SLC22A24: variants seen among roughly 807,000 people sequenced by gnomAD.
The protein encoded by SLC22A24 is steroid transmembrane transporter SLC22A24.
In SLC22A24, 53 loss-of-function variants were observed where a neutral mutation model predicts 49.8. That is an observed-to-expected ratio of 1.06 (90% CI 0.85 to 1.34). The LOEUF is 1.34. Among genes scored for constraint, SLC22A24 ranks in the 40% most tolerant of loss-of-function variants. SLC22A24 has a pLI of 0.00. For synonymous variants in SLC22A24, 302 were observed against 256.4 expected, an observed-to-expected ratio of 1.18 and a Z score of -1.70; for missense variants, 786 against 675.9, an observed-to-expected ratio of 1.16 and a Z score of -1.81.
At chr11:63,129,572 G>A (rs189684203) in intron 2 of SLC22A24, among the ~76,000 whole-genome samples, 1 of 152,038 alleles carries the variant, frequency 6.6e-6, no homozygotes, top group Non-Finnish European at 1.5e-5. Flanking sequence ...TTGGACAGTA[G>A]GACCATTTTC....
intron 4 of SLC22A24, among the ~76,000 whole-genome samples, chr11:63,112,970 G>C (rs573385155): frequency 2.2e-5 from 3 of 137,608 alleles, no homozygotes; most frequent in Non-Finnish European, 4.5e-5. Flanking sequence ...AGCCAAGTTT[G>C]TGCCACTGGA....
intron 9 of SLC22A24, 133 bp from the exon 10 acceptor site, chr11:63,080,133 C>T (rs945602798): frequency 2.3e-5 from 14 of 600,288 alleles, no homozygotes; most frequent in Non-Finnish European, 3.8e-5. Context: ...CCAAGATTCT[C>T]TAGATATTGA....
chr11:63,104,008 A>G (rs931678471), intron 5 of SLC22A24, 167 bp downstream of exon 5: 1 of 593,022 alleles, frequency 1.7e-6, no homozygotes, highest in Non-Finnish European at 2.7e-6. Context: ...TTCAATATCT[A>G]TATCCAAATC....
intron 9 of SLC22A24, among the ~76,000 whole-genome samples, chr11:63,080,232 T>A (rs1010997849): frequency 3.3e-5 from 5 of 152,190 alleles, no homozygotes; most frequent in African/African-American, 9.6e-5. Flanking sequence ...TCTCTTTGGA[T>A]CTCAGACCAA....
chr11:63,123,238 G>A (rs1264625775), intron 2 of SLC22A24, among the ~76,000 whole-genome samples: 5 of 152,024 alleles, frequency 3.3e-5, no homozygotes, highest in African/African-American at 1.2e-4. Flanking sequence ...ATGAATACAG[G>A]GTAACTTTGA....
Position 63,125,608 on chromosome 11 carries a change from C to T in SLC22A24, c.507-6273G>A, listed in dbSNP as rs372835760. ...GTATTTGCTATTGTGAATAGTGCCGCGGTAAACATACGTGTGGATGTGTCT... is the reference window on the plus strand; with the variant it reads ...GTATTTGCTATTGTGAATAGTGCCGTGGTAAACATACGTGTGGATGTGTCT... On this transcript the variant is annotated intron_variant, in intron 2 of 9. Transcript: ENST00000612278. 6.0e-4 allele frequency among the ~76,000 whole-genome samples: 91 copies of T among 152,244 alleles called. 1 individual carries two copies. The South Asian group carries it at 7.3e-3, about 12-fold the overall frequency.
chr11:63,132,801 C>G (rs1045781425), intron 2 of SLC22A24, among the ~76,000 whole-genome samples: 1 of 152,104 alleles, frequency 6.6e-6, no homozygotes, highest in Non-Finnish European at 1.5e-5. Flanking sequence ...TCTCAGAGCT[C>G]GAATGCCATG....
intron 5 of SLC22A24, among the ~76,000 whole-genome samples, chr11:63,097,215 T>A (rs1390066642): frequency 9.2e-6 from 1 of 108,826 alleles, no homozygotes; most frequent in Non-Finnish European, 2.0e-5. Flanking sequence ...TACAAGGAAC[T>A]TAAACAAATT....
chr11:63,081,848 G>C (rs1315463755), intron 7 of SLC22A24, among the ~76,000 whole-genome samples, 182 bp from the exon 8 acceptor site: 4 of 152,186 alleles, frequency 2.6e-5, no homozygotes, highest in African/African-American at 9.7e-5. Context: ...AAATGGTAGG[G>C]CTTAAACATT....
At chr11:63,119,433 T>G in intron 2 of SLC22A24, 98 bp from the exon 3 acceptor site, 1 of 1,189,310 alleles carries the variant, frequency 8.4e-7, no homozygotes. Flanking sequence ...GATAAATGTT[T>G]AACAAGTGGA....
In SLC22A24 at chr11:63,081,106, A is replaced by T; in HGVS notation, c.1412T>A (p.Ile471Asn). Reference protein sequence around the residue: ...PTILRSTVAGINAVSGRTGAA... With the variant: ...PTILRSTVAGNNAVSGRTGAA... ...CCCAGTCCTACCGGACACTGCATTG[A>T]TTCCTGCAACTGTTGACCTTAGAGT... The change falls in exon 9 of 10, where the codon ATC (isoleucine) becomes AAC (asparagine). Residue 471 changes from isoleucine to asparagine, a missense_variant. Coordinates refer to ENST00000612278, the MANE Select transcript of SLC22A24 (RefSeq NM_001136506.2). 6 of 1,551,586 alleles carry T rather than the reference A, an allele frequency of 3.9e-6. No individual in the cohort carries two copies. Among genetic ancestry groups the T allele is most frequent in the Non-Finnish European group, 5.2e-6 (6 of 1,146,866 alleles).
chr11:63,085,933 A>C (rs1405901205), intron 6 of SLC22A24, among the ~76,000 whole-genome samples: 1 of 152,212 alleles, frequency 6.6e-6, no homozygotes, highest in Non-Finnish European at 1.5e-5. Context: ...GCCTGAAAGC[A>C]GTCTGGTTGT....
intron 4 of SLC22A24, among the ~76,000 whole-genome samples, chr11:63,105,803 C>T (rs1231715982): frequency 6.6e-6 from 1 of 152,110 alleles, no homozygotes; most frequent in Admixed American, 6.6e-5. Flanking sequence ...ATTACTTATG[C>T]AAGTTTCTGC....
intron 6 of SLC22A24, among the ~76,000 whole-genome samples, chr11:63,084,535 G>A (rs749113519): frequency 2.6e-5 from 4 of 152,118 alleles, no homozygotes; most frequent in Admixed American, 6.6e-5. Flanking sequence ...TGCATTTCTT[G>A]CATCACAAGA....
chr11:63,106,604 T>A (rs2087123305), intron 4 of SLC22A24, among the ~76,000 whole-genome samples: 1 of 152,202 alleles, frequency 6.6e-6, no homozygotes, highest in Admixed American at 6.5e-5. Flanking sequence ...TTTCCTGACT[T>A]TTTAATGATC....
rs141209848 is a variant in SLC22A24, at chr11:63,117,865, G to A, written c.830+1047C>T. 1.7e-3 allele frequency among the ~76,000 whole-genome samples: 258 copies of A among 152,266 alleles called. 1 individual carries two copies. The highest frequency in any genetic ancestry group is 6.0e-3 in the African/African-American group (251 of 41,568). ...TCAAAATTTATATGCAGATTTTTGA[G>A]TGCATGGGGTGTTGGCGCCCCCAAC... is the stretch of plus-strand genomic sequence containing the variant. On this transcript the variant is annotated intron_variant, in intron 4 of 9. Coordinates refer to ENST00000612278, the MANE Select transcript of SLC22A24 (RefSeq NM_001136506.2).
intron 2 of SLC22A24, among the ~76,000 whole-genome samples, chr11:63,128,039 A>G (rs1235988464): frequency 6.6e-6 from 1 of 151,974 alleles, no homozygotes; most frequent in Non-Finnish European, 1.5e-5. Flanking sequence ...CCAGTATAAT[A>G]AAGAAAATAT....
At chr11:63,090,017 C>T (rs1243777023) in intron 6 of SLC22A24, among the ~76,000 whole-genome samples, 1 of 130,432 alleles carries the variant, frequency 7.7e-6, no homozygotes, top group Non-Finnish European at 1.5e-5. Flanking sequence ...GGAGGCAGAG[C>T]TTGCAGAGAG....
At chr11:63,090,400 G>T (rs2087012908) in intron 6 of SLC22A24, among the ~76,000 whole-genome samples, 3 of 151,984 alleles carry the variant, frequency 2.0e-5, no homozygotes, top group African/African-American at 7.3e-5. Flanking sequence ...CAAATCAAGA[G>T]AATATACATT....
Sources: allele counts gnomAD v4.1 joint callset (sites outside exome capture counted in the v4.1 genomes callset), GRCh38; gene constraint gnomAD v4.1.1; transcripts MANE v1.5; gene names NCBI Gene and HGNC (gene_info 2026-07-23, HGNC 2026-07-21).